The following SDC3 variants were observed in gnomAD, a reference collection of about 807,000 sequenced individuals.
SDC3 encodes the protein syndecan-3.
A neutral mutation model predicts 24.4 loss-of-function variants in SDC3; 13 were observed. The ratio of observed to expected loss-of-function variants is 0.53; its 90% CI spans 0.35 to 0.85. The LOEUF is 0.85. Among genes scored for constraint, SDC3 ranks in the 40% least tolerant of loss-of-function variants. SDC3 has a pLI of 0.01. For synonymous variants in SDC3, 295 were observed against 260.9 expected (o/e 1.13, Z -1.26); for missense variants, 571 against 584.5 (o/e 0.98, Z 0.24).
intron 1 of SDC3, among the ~76,000 whole-genome samples, chr1:30,898,759 T>A (rs1207569967): frequency 6.6e-6 from 1 of 152,170 alleles, no homozygotes; most frequent in Admixed American, 6.5e-5. Context: ...GTCTTTCTGA[T>A]AGTTCCTCAA....
chr1:30,907,545 C>T (rs1373508310), intron 1 of SDC3, among the ~76,000 whole-genome samples: 4 of 152,162 alleles, frequency 2.6e-5, no homozygotes, highest in African/African-American at 9.7e-5. Flanking sequence ...AGAGGTCTTT[C>T]ACACACACAC....
At chr1:30,903,741 G>C (rs16834138) in intron 1 of SDC3, among the ~76,000 whole-genome samples, 6,034 of 152,224 alleles carry the variant, frequency 0.04, 339 homozygotes, top group African/African-American at 0.13. Flanking sequence ...CATAATCCAG[G>C]GGGTAGGGAG....
At chr1:30,883,702 A>G (rs1190328019) in intron 1 of SDC3, among the ~76,000 whole-genome samples, 1 of 150,728 alleles carries the variant, frequency 6.6e-6, no homozygotes, top group Non-Finnish European at 1.5e-5. Flanking sequence ...ACTGAGTTCA[A>G]CTCTCCCCTT....
intron 1 of SDC3, among the ~76,000 whole-genome samples, chr1:30,884,268 A>T (rs1477749932): frequency 6.7e-6 from 1 of 149,426 alleles, no homozygotes; most frequent in African/African-American, 2.5e-5. Context: ...AAGCTGAAAC[A>T]CCACAGACCC....
chr1:30,900,799 C>A (rs1257492884), intron 1 of SDC3, among the ~76,000 whole-genome samples: 1 of 152,012 alleles, frequency 6.6e-6, no homozygotes, highest in Non-Finnish European at 1.5e-5. Context: ...TCTGGGCTGG[C>A]AGGCAGGGAT....
chr1:30,870,060 T>C lies in SDC3; in HGVS notation c.*3151A>G. 2.5e-6 allele frequency: 1 copy of C among 397,294 alleles called. No individual in the cohort carries two copies. The allele number at this position is 397,294 out of a possible 1,614,324, so 24.6% of individuals were successfully genotyped here. A position where few individuals can be genotyped will look rare whatever the true frequency, so the allele number is the denominator to read the frequency against. On this transcript the variant is annotated 3_prime_UTR_variant, in exon 5 of 5. Transcript: ENST00000339394. ...GGAGGCAAGTCCAGGGTTGTAGTTG[T>C]TGGGAGAAGAAATCCAGAGAACACA...
intron 1 of SDC3, among the ~76,000 whole-genome samples, chr1:30,906,261 G>A (rs1182987562): frequency 1.3e-5 from 2 of 152,092 alleles, no homozygotes; most frequent in Admixed American, 1.3e-4. Context: ...GAAGATGTGA[G>A]GCCTGGAGGA....
In SDC3 at chr1:30,876,518, C is replaced by T. The variant is rs12751086; in HGVS notation, c.870+34G>A. On this transcript the variant is annotated intron_variant, in intron 3 of 4. Transcript: ENST00000339394. Reference sequence around the variant, plus strand: ...ATCCCTCCCCTGACCCACCCTCCTCCGCCCTCCTCCCTGTCCCTTCTCAAC... The same window carrying T: ...ATCCCTCCCCTGACCCACCCTCCTCTGCCCTCCTCCCTGTCCCTTCTCAAC... 7.1e-3 allele frequency: 10,660 copies of T among 1,491,380 alleles called. 72 individuals are homozygous for T. The highest frequency in any genetic ancestry group is 8.9e-3 in the South Asian group (622 of 69,600). 92.4% of individuals were successfully genotyped at this position (1,491,380 alleles called of 1,614,324 possible).
At chr1:30,894,578 G>C (rs1334448606) in intron 1 of SDC3, among the ~76,000 whole-genome samples, 1 of 144,530 alleles carries the variant, frequency 6.9e-6, no homozygotes, top group African/African-American at 2.6e-5. Flanking sequence ...GTGGGTGTAT[G>C]TGTGGGCTAC....
At chr1:30,875,232 A>C (rs1639616519) in intron 3 of SDC3, among the ~76,000 whole-genome samples, 1 of 152,228 alleles carries the variant, frequency 6.6e-6, no homozygotes, top group African/African-American at 2.4e-5. Context: ...CGCTACTTCA[A>C]AGGTGGGCAT....
At chr1:30,906,177 C>A (rs1466981210) in intron 1 of SDC3, among the ~76,000 whole-genome samples, 2 of 152,180 alleles carry the variant, frequency 1.3e-5, no homozygotes, top group African/African-American at 4.8e-5. Flanking sequence ...CAGGTACCAC[C>A]CATTAACCCT....
chr1:30,888,614 T>C (rs1410077197), intron 1 of SDC3, among the ~76,000 whole-genome samples: 3 of 152,110 alleles, frequency 2.0e-5, no homozygotes, highest in Non-Finnish European at 4.4e-5. Context: ...TCTGTAAGAA[T>C]GTGTGTGTGT....
At chr1:30,908,090 G>A (rs759635142) in intron 1 of SDC3, among the ~76,000 whole-genome samples, 16 of 152,226 alleles carry the variant, frequency 1.1e-4, no homozygotes, top group Middle Eastern at 3.4e-3. Context: ...GACAGTTCCC[G>A]GAGCCACTGG....
At chr1:30,881,663 C>T (rs2124319321) in intron 1 of SDC3, among the ~76,000 whole-genome samples, 1 of 152,360 alleles carries the variant, frequency 6.6e-6, no homozygotes, top group South Asian at 2.1e-4. Flanking sequence ...TCCCAGGGCA[C>T]TCTAGAGACC....
At chr1:30,904,373 T>A (rs373489450) in intron 1 of SDC3, among the ~76,000 whole-genome samples, 3 of 152,176 alleles carry the variant, frequency 2.0e-5, no homozygotes, top group East Asian at 3.9e-4. Flanking sequence ...GAGCCCCCCC[T>A]CGCTCTCCCC....
At chr1:30,893,541 G>T (rs1570018258) in intron 1 of SDC3, among the ~76,000 whole-genome samples, 1 of 151,994 alleles carries the variant, frequency 6.6e-6, no homozygotes, top group East Asian at 1.9e-4. Context: ...TCCTCATGGA[G>T]GCGTCCCCAT....
At chr1:30,873,767 G>A (rs1421883810) in intron 4 of SDC3, among the ~76,000 whole-genome samples, 1 of 152,144 alleles carries the variant, frequency 6.6e-6, no homozygotes, top group African/African-American at 2.4e-5. Flanking sequence ...GTGCCTCTTA[G>A]AATTGATTAA....
At chr1:30,889,249 C>T (rs1206466016) in intron 1 of SDC3, among the ~76,000 whole-genome samples, 1 of 152,210 alleles carries the variant, frequency 6.6e-6, no homozygotes, top group Admixed American at 6.5e-5. Context: ...CCAAACAAGG[C>T]TCTCAGCCCA....
chr1:30,894,272 A>AGT (rs1362635402), intron 1 of SDC3, among the ~76,000 whole-genome samples: 1 of 115,174 alleles, frequency 8.7e-6, no homozygotes, highest in Non-Finnish European at 1.8e-5. Flanking sequence ...TGTGTGGGTG[A>AGT]GTGTGTGTGG....
Sources: gnomAD v4.1 joint callset for allele counts (sites outside exome capture counted in the v4.1 genomes callset) on GRCh38, gnomAD v4.1.1 for gene constraint, MANE v1.5 for transcripts, NCBI Gene and HGNC (gene_info 2026-07-23, HGNC 2026-07-21) for gene names.